SEMA3A: variants seen among roughly 807,000 people sequenced by gnomAD.
The protein encoded by SEMA3A is semaphorin 3A.
A neutral mutation model predicts 97.9 loss-of-function variants in SEMA3A; 29 were observed. That is an observed-to-expected ratio of 0.30 (90% CI 0.22 to 0.40). The LOEUF (loss-of-function observed/expected upper bound fraction) is 0.40, where lower values mean the gene tolerates loss of function less well. Among genes scored for constraint, SEMA3A ranks in the 10% least tolerant of loss-of-function variants. The pLI, the probability that SEMA3A is intolerant of heterozygous loss-of-function variation, is 1.00. For synonymous variants in SEMA3A, 321 were observed against 323.7 expected (o/e 0.99, Z 0.09); for missense variants, 763 against 951.3 (o/e 0.80, Z 2.60).
At chr7:84,468,788 A>G (rs926619090) in intron 1 of SEMA3A, among the ~76,000 whole-genome samples, 1 of 152,098 alleles carries the variant, frequency 6.6e-6, no homozygotes, top group Admixed American at 6.5e-5. Context: ...TATAAGTATT[A>G]GATTTATATC....
chr7:83,955,913 C>T lies in SEMA3A; in HGVS notation c.*5458G>A, dbSNP rs1424871517. On this transcript the variant is annotated 3_prime_UTR_variant, in exon 17 of 17. Coordinates refer to ENST00000265362, the MANE Select transcript of SEMA3A (RefSeq NM_006080.3). ...ATCTATAAAAACTTTTGCTTAGGTC[C>T]TATATAAATAAACATTGTATATACA... is the stretch of plus-strand genomic sequence containing the variant. 1 of 152,040 alleles carries T rather than the reference C, an allele frequency of 6.6e-6. No individual in the cohort carries two copies. Among genetic ancestry groups the T allele is most frequent in the African/African-American group, 2.4e-5 (1 of 41,404 alleles). The allele number at this position is 152,040 out of a possible 1,614,324, so 9.4% of individuals were successfully genotyped here.
intron 6 of SEMA3A, among the ~76,000 whole-genome samples, chr7:84,045,203 G>A (rs73187451): frequency 0.048 from 7,326 of 151,970 alleles, 284 homozygotes; most frequent in East Asian, 0.19. Flanking sequence ...GAATAAGGCA[G>A]GAAAACTAAG....
intron 3 of SEMA3A, among the ~76,000 whole-genome samples, chr7:84,230,578 T>C (rs1350237181): frequency 6.6e-6 from 1 of 151,966 alleles, no homozygotes; most frequent in Non-Finnish European, 1.5e-5. Flanking sequence ...AGCTCATGCG[T>C]CTCCTAGGTT....
At chr7:83,980,618 A>ACAAC (rs57547797) in intron 14 of SEMA3A, among the ~76,000 whole-genome samples, 1 of 82,266 alleles carries the variant, frequency 1.2e-5, no homozygotes, top group Non-Finnish European at 2.4e-5. Context: ...AAAAAAAAAA[A>ACAAC]AAAAAATATA....
At chr7:84,078,688 C>T (rs1794038666) in intron 4 of SEMA3A, among the ~76,000 whole-genome samples, 1 of 151,876 alleles carries the variant, frequency 6.6e-6, no homozygotes, top group Non-Finnish European at 1.5e-5. Context: ...TCATAAATCT[C>T]CATAGCTTTT....
At chr7:84,488,349 C>CACACACAT (rs59656940) in intron 1 of SEMA3A, among the ~76,000 whole-genome samples, 4 of 145,552 alleles carry the variant, frequency 2.7e-5, no homozygotes, top group African/African-American at 1.0e-4. Flanking sequence ...CACACACACA[C>CACACACAT]ATATATATAT....
chr7:83,995,848 T>G (rs10250121), intron 12 of SEMA3A, among the ~76,000 whole-genome samples: 23,806 of 152,224 alleles, frequency 0.16, 2,187 homozygotes, highest in Non-Finnish European at 0.21. Flanking sequence ...CATAGCCTAT[T>G]GGAGGCTAAA....
At chr7:84,448,911 C>T (rs1805491081) in intron 1 of SEMA3A, among the ~76,000 whole-genome samples, 1 of 152,172 alleles carries the variant, frequency 6.6e-6, no homozygotes, top group African/African-American at 2.4e-5. Flanking sequence ...TAGTACAAAA[C>T]TACAATAACC....
At chr7:84,244,960 T>C (rs569536143) in intron 3 of SEMA3A, among the ~76,000 whole-genome samples, 84 of 152,320 alleles carry the variant, frequency 5.5e-4, no homozygotes, top group Non-Finnish European at 6.2e-4. Flanking sequence ...AGATCCACTG[T>C]TAGTCTGATG....
At position 83,957,991 on chromosome 7, in the gene SEMA3A, A is replaced by G. The variant is rs1788333434; in HGVS notation, c.*3380T>C. The G allele has an allele frequency of 1.3e-5, 2 of 152,098 alleles. No individual in the cohort carries two copies. The highest frequency in any genetic ancestry group is 4.1e-4 in the South Asian group (2 of 4,832). The allele number at this position is 152,098 out of a possible 1,614,324, so 9.4% of individuals were successfully genotyped here. ...TTTAACATATTATACTAGTGGCTCC[A>G]TATTAATAAAATGCTTGTCTGTGAC... On this transcript the variant is annotated 3_prime_UTR_variant, in exon 17 of 17. Transcript: ENST00000265362.
intron 1 of SEMA3A, among the ~76,000 whole-genome samples, chr7:84,419,586 A>T (rs1804530464): frequency 6.6e-6 from 1 of 152,116 alleles, no homozygotes; most frequent in South Asian, 2.1e-4. Flanking sequence ...CTAGGAGGAA[A>T]AGCTTGGGGG....
At chr7:83,987,562 C>A (rs924738034) in intron 12 of SEMA3A, among the ~76,000 whole-genome samples, 2 of 152,170 alleles carry the variant, frequency 1.3e-5, no homozygotes, top group African/African-American at 2.4e-5. Flanking sequence ...GCCTCTCCCC[C>A]TCAATTTGGG....
At chr7:84,040,919 GA>G (rs981280414) in intron 6 of SEMA3A, among the ~76,000 whole-genome samples, 8 of 152,164 alleles carry the variant, frequency 5.3e-5, no homozygotes, top group African/African-American at 1.9e-4. Context: ...ATTACCTTGA[GA>G]AAATATAATA....
chr7:83,995,758 AT>A (rs970581792), intron 12 of SEMA3A, among the ~76,000 whole-genome samples: 21 of 152,132 alleles, frequency 1.4e-4, no homozygotes, highest in Admixed American at 9.8e-4. Flanking sequence ...CCAATTTACA[AT>A]TTTTTTCAGA....
chr7:84,052,686 A>G (rs1792736423), intron 5 of SEMA3A, among the ~76,000 whole-genome samples: 1 of 151,848 alleles, frequency 6.6e-6, no homozygotes, highest in African/African-American at 2.4e-5. Context: ...TAATTTTTGG[A>G]AGGGTTTTTT....
At chr7:84,475,187 A>T (rs1165349542) in intron 1 of SEMA3A, among the ~76,000 whole-genome samples, 2 of 151,434 alleles carry the variant, frequency 1.3e-5, no homozygotes, top group African/African-American at 2.4e-5. Flanking sequence ...TTTTTTTTTT[A>T]ACTATACATA....
At chr7:84,339,184 C>T (rs925579169) in intron 2 of SEMA3A, among the ~76,000 whole-genome samples, 4 of 151,710 alleles carry the variant, frequency 2.6e-5, no homozygotes, top group Non-Finnish European at 2.9e-5. Context: ...ATGTAATTGC[C>T]CTCTATTTGG....
intron 14 of SEMA3A, among the ~76,000 whole-genome samples, chr7:83,980,620 A>AT (rs1450402951): frequency 2.9e-3 from 228 of 77,970 alleles, no homozygotes; most frequent in African/African-American, 0.011. Context: ...AAAAAAAAAA[A>AT]AAAATATATA....
intron 4 of SEMA3A, among the ~76,000 whole-genome samples, chr7:84,110,006 C>A (rs1308578574): frequency 6.6e-6 from 1 of 151,998 alleles, no homozygotes; most frequent in Non-Finnish European, 1.5e-5. Context: ...CTTAGCCAAG[C>A]AAGAATACAA....
Sources: allele counts gnomAD v4.1 joint callset (sites outside exome capture counted in the v4.1 genomes callset), GRCh38; gene constraint gnomAD v4.1.1; transcripts MANE v1.5; gene names NCBI Gene and HGNC (gene_info 2026-07-23, HGNC 2026-07-21).